Variants in UNC5C observed in about 807,000 individuals in gnomAD.
UNC5C encodes the protein unc-5 netrin receptor C.
UNC5C carries 47 observed loss-of-function variants against 99.8 expected under a neutral mutation model. The ratio of observed to expected loss-of-function variants is 0.47; its 90% CI spans 0.37 to 0.60. The LOEUF (loss-of-function observed/expected upper bound fraction) is 0.60, where lower values mean the gene tolerates loss of function less well. UNC5C is among the 20% of genes least tolerant of loss of function. UNC5C has a pLI of 0.00. For synonymous variants in UNC5C, 487 were observed against 452.2 expected (o/e 1.08, Z -0.98); for missense variants, 1,062 against 1,165.9 (o/e 0.91, Z 1.30).
chr4:95,354,328 C>T (rs1744093886), intron 1 of UNC5C, among the ~76,000 whole-genome samples: 1 of 151,594 alleles, frequency 6.6e-6, no homozygotes, highest in Admixed American at 6.6e-5. Flanking sequence ...GCTGACCACT[C>T]CAACCTCATC....
chr4:95,512,725 A>G (rs1034252212), intron 1 of UNC5C, among the ~76,000 whole-genome samples: 10 of 152,200 alleles, frequency 6.6e-5, no homozygotes, highest in Non-Finnish European at 4.4e-5. Flanking sequence ...GCTGTGATAA[A>G]TTAGATTTTC....
intron 1 of UNC5C, among the ~76,000 whole-genome samples, chr4:95,510,980 G>C (rs747505996): frequency 1.1e-4 from 16 of 152,116 alleles, no homozygotes; most frequent in African/African-American, 3.9e-4. Flanking sequence ...CCTGAGAAAC[G>C]GGTGGAATGA....
intron 1 of UNC5C, among the ~76,000 whole-genome samples, chr4:95,344,447 G>A (rs77649123): frequency 0.042 from 6,462 of 152,068 alleles, 458 homozygotes; most frequent in African/African-American, 0.15. Context: ...GATGCAAAAA[G>A]GAGTTCTTCA....
chr4:95,226,006 C>T (rs1220031184), intron 7 of UNC5C, among the ~76,000 whole-genome samples: 2 of 152,190 alleles, frequency 1.3e-5, no homozygotes, highest in African/African-American at 4.8e-5. Context: ...CCATCTGATC[C>T]GTCTCTCACG....
intron 14 of UNC5C, among the ~76,000 whole-genome samples, chr4:95,172,601 C>G (rs1176303725): frequency 6.6e-6 from 1 of 151,694 alleles, no homozygotes; most frequent in African/African-American, 2.4e-5. Context: ...TGGTCTATAT[C>G]TCTGTTTTGG....
intron 1 of UNC5C, among the ~76,000 whole-genome samples, chr4:95,338,125 C>T (rs945345877): frequency 6.6e-6 from 1 of 151,984 alleles, no homozygotes; most frequent in Non-Finnish European, 1.5e-5. Context: ...TCAGTGGGCT[C>T]ACCCCTGTTG....
intron 12 of UNC5C, among the ~76,000 whole-genome samples, chr4:95,201,027 G>A (rs1371751524): frequency 1.3e-5 from 2 of 152,142 alleles, no homozygotes; most frequent in South Asian, 2.1e-4. Flanking sequence ...TCTCCACCAC[G>A]TGAGGACACA....
intron 1 of UNC5C, among the ~76,000 whole-genome samples, chr4:95,497,281 A>G (rs781669024): frequency 2.0e-4 from 30 of 152,122 alleles, no homozygotes; most frequent in South Asian, 6.2e-4. Flanking sequence ...ACTAGTTTAC[A>G]TTCCCACCAG....
intron 1 of UNC5C, among the ~76,000 whole-genome samples, chr4:95,396,429 G>T (rs1745511584): frequency 6.6e-6 from 1 of 152,114 alleles, no homozygotes; most frequent in Non-Finnish European, 1.5e-5. Context: ...CTTGTAATGA[G>T]TATTTAATTT....
Position 95,283,810 on chromosome 4 carries a change from G to A in UNC5C, c.491-5448C>T, listed in dbSNP as rs77173220. On this transcript the variant is annotated intron_variant, in intron 3 of 15. Transcript: ENST00000453304. Reference sequence around the variant, plus strand: ...GTTATAAGACTGCTACTAAAATTAAGTATGAAGTCCTTTCATTAATAACCT... The same window carrying A: ...GTTATAAGACTGCTACTAAAATTAAATATGAAGTCCTTTCATTAATAACCT... Among the ~76,000 whole-genome samples the A allele has an allele frequency of 8.9e-3, 1,363 of 152,308 alleles. 8 individuals carry two copies. The highest frequency in any genetic ancestry group is 0.024 in the Middle Eastern group (7 of 294).
At chr4:95,531,279 A>G (rs1420595557) in intron 1 of UNC5C, among the ~76,000 whole-genome samples, 1 of 152,202 alleles carries the variant, frequency 6.6e-6, no homozygotes, top group Admixed American at 6.5e-5. Flanking sequence ...CTGGCATTCC[A>G]TTATGGGCAC....
At position 95,168,799 on chromosome 4, in the gene UNC5C, C is replaced by G. The variant is rs78104493; in HGVS notation, c.*435G>C. 627 of 155,494 alleles carry G rather than the reference C, an allele frequency of 4.0e-3. 11 individuals are homozygous for G. The highest frequency in any genetic ancestry group is 0.026 in the East Asian group (139 of 5,292). The allele number at this position is 155,494 out of a possible 1,614,324, so 9.6% of individuals were successfully genotyped here. A position where few individuals can be genotyped will look rare whatever the true frequency, so the allele number is the denominator to read the frequency against. ...AACAAACCGTCCACAGCTTCAACTT[C>G]AAATGATTTGAACAAAAATAGAACG... On this transcript the variant is annotated 3_prime_UTR_variant, in exon 16 of 16. Coordinates refer to ENST00000453304, the MANE Select transcript of UNC5C (RefSeq NM_003728.4).
At chr4:95,175,070 G>A (rs1419377587) in intron 14 of UNC5C, among the ~76,000 whole-genome samples, 6 of 151,976 alleles carry the variant, frequency 3.9e-5, no homozygotes, top group African/African-American at 9.7e-5. Context: ...TGCAACCCCT[G>A]CCTTTTTTTG....
chr4:95,397,486 C>A (rs1386191891), intron 1 of UNC5C, among the ~76,000 whole-genome samples: 1 of 152,158 alleles, frequency 6.6e-6, no homozygotes, highest in Non-Finnish European at 1.5e-5. Context: ...AGACAAAGAA[C>A]CTGGTGTCTT....
intron 12 of UNC5C, among the ~76,000 whole-genome samples, chr4:95,202,111 T>C (rs1181464293): frequency 6.6e-6 from 1 of 152,208 alleles, no homozygotes; most frequent in Non-Finnish European, 1.5e-5. Context: ...TGTCAGCCAC[T>C]GTGGCATTTC....
chr4:95,527,150 T>A (rs2149491845), intron 1 of UNC5C, among the ~76,000 whole-genome samples: 1 of 152,230 alleles, frequency 6.6e-6, no homozygotes, highest in Admixed American at 6.5e-5. Context: ...CAAGTTACTT[T>A]TACAATCCAG....
intron 3 of UNC5C, among the ~76,000 whole-genome samples, chr4:95,285,409 G>T (rs1741197313): frequency 6.6e-6 from 1 of 151,982 alleles, no homozygotes; most frequent in Non-Finnish European, 1.5e-5. Flanking sequence ...ATCAGGTTTT[G>T]TGAATATTAA....
intron 4 of UNC5C, among the ~76,000 whole-genome samples, chr4:95,253,713 T>C (rs988842678): frequency 6.6e-6 from 1 of 152,276 alleles, no homozygotes; most frequent in South Asian, 2.1e-4. Context: ...CTCCAGCTTC[T>C]GACAAGACCC....
At chr4:95,546,874 A>G (rs954413356) in intron 1 of UNC5C, among the ~76,000 whole-genome samples, 31 of 152,238 alleles carry the variant, frequency 2.0e-4, no homozygotes, top group African/African-American at 7.0e-4. Context: ...CTTGTTTGGC[A>G]TCTTTGGGGA....
Sources: gnomAD v4.1 joint callset for allele counts (sites outside exome capture counted in the v4.1 genomes callset) on GRCh38, gnomAD v4.1.1 for gene constraint, MANE v1.5 for transcripts, NCBI Gene and HGNC (gene_info 2026-07-23, HGNC 2026-07-21) for gene names.